SHANK2: variants seen among roughly 807,000 people sequenced by gnomAD.
The protein encoded by SHANK2 is SH3 and multiple ankyrin repeat domains 2.
In SHANK2, 43 loss-of-function variants were observed where a neutral mutation model predicts 133.7. The ratio of observed to expected loss-of-function variants is 0.32; its 90% confidence interval spans 0.25 to 0.41. SHANK2 has a LOEUF of 0.41. Ranked by LOEUF, SHANK2 falls within the 10% of genes least tolerant of loss-of-function variation. SHANK2 has a pLI of 1.00. For synonymous variants in SHANK2, 1,017 were observed against 952.8 expected (o/e 1.07, Z -1.24); for missense variants, 1,994 against 2,235.8 (o/e 0.89, Z 2.18).
chr11:71,238,471 A>T (rs1413948338), intron 1 of SHANK2, among the ~76,000 whole-genome samples: 1 of 152,268 alleles, frequency 6.6e-6, no homozygotes, highest in African/African-American at 2.4e-5. Flanking sequence ...AGAGAGGCCA[A>T]CTGGCCTGTC....
At chr11:70,653,567 C>CAA (rs1157982312) in intron 17 of SHANK2, among the ~76,000 whole-genome samples, 108 of 61,576 alleles carry the variant, frequency 1.8e-3, no homozygotes, top group East Asian at 2.3e-3. Flanking sequence ...CTCAGCCTTC[C>CAA]AAAAAAAAAA....
chr11:70,544,230 C>A (rs1197741738), intron 17 of SHANK2, among the ~76,000 whole-genome samples: 1 of 152,220 alleles, frequency 6.6e-6, no homozygotes, highest in Non-Finnish European at 1.5e-5. Context: ...GGCCGCAGAA[C>A]CTCTCCAGCC....
chr11:70,905,168 A>T (rs1319562457), intron 10 of SHANK2, among the ~76,000 whole-genome samples: 2 of 152,114 alleles, frequency 1.3e-5, no homozygotes, highest in African/African-American at 4.8e-5. Flanking sequence ...CCAGACAGGC[A>T]GGTGAGGAGG....
intron 2 of SHANK2, among the ~76,000 whole-genome samples, chr11:71,209,788 T>C (rs1326963269): frequency 1.3e-5 from 2 of 152,156 alleles, no homozygotes; most frequent in Admixed American, 6.5e-5. Context: ...ACAGAGCACC[T>C]GCCGTGAGCT....
intron 1 of SHANK2, among the ~76,000 whole-genome samples, chr11:71,251,250 G>A (rs1249698344): frequency 6.6e-6 from 1 of 152,144 alleles, no homozygotes; most frequent in African/African-American, 2.4e-5. Flanking sequence ...GGCAAGCCTC[G>A]CCCACGCGCC....
intron 17 of SHANK2, among the ~76,000 whole-genome samples, chr11:70,624,379 A>G (rs2060875351): frequency 6.6e-6 from 1 of 151,986 alleles, no homozygotes; most frequent in Non-Finnish European, 1.5e-5. Context: ...TGCGGCCCTC[A>G]GACTTGAGGC....
intron 17 of SHANK2, among the ~76,000 whole-genome samples, chr11:70,544,075 G>A (rs570508534): frequency 4.6e-5 from 7 of 152,262 alleles, no homozygotes; most frequent in East Asian, 1.9e-4. Context: ...TAGCAGACAC[G>A]TTCCCATTTC....
At chr11:70,493,902 G>C (rs2058932523) in intron 21 of SHANK2, among the ~76,000 whole-genome samples, 1 of 152,224 alleles carries the variant, frequency 6.6e-6, no homozygotes, top group Non-Finnish European at 1.5e-5. Context: ...GAGCTGAGCA[G>C]AGTGCAGGGA....
chr11:70,505,434 G>C (rs1440270716), intron 17 of SHANK2, among the ~76,000 whole-genome samples: 3 of 152,060 alleles, frequency 2.0e-5, no homozygotes, highest in Non-Finnish European at 4.4e-5. Flanking sequence ...GCCAATGTGT[G>C]AGGCCTTGGT....
chr11:70,890,344 G>A (rs1949819789), intron 11 of SHANK2, among the ~76,000 whole-genome samples: 1 of 151,142 alleles, frequency 6.6e-6, no homozygotes, highest in Non-Finnish European at 1.5e-5. Context: ...TCTCTACTAA[G>A]AATAGAAAAA....
At chr11:71,062,983 C>T (rs1412495539) in intron 9 of SHANK2, among the ~76,000 whole-genome samples, 2 of 101,234 alleles carry the variant, frequency 2.0e-5, no homozygotes, top group African/African-American at 8.1e-5. Context: ...GGTGACACAG[C>T]AAGACCCTGT....
intron 10 of SHANK2, chr11:70,942,895 G>A (rs11238042): frequency 0.27 from 120,953 of 455,938 alleles, 17,642 homozygotes; most frequent in South Asian, 0.3. Context: ...GTTACTGAGG[G>A]TTCTGGGTCT....
At chr11:70,871,578 T>C (rs1176856964) in intron 11 of SHANK2, among the ~76,000 whole-genome samples, 2 of 152,102 alleles carry the variant, frequency 1.3e-5, no homozygotes, top group African/African-American at 2.4e-5. Flanking sequence ...ACACATTTGC[T>C]GAACAAGCAG....
At chr11:70,827,260 C>CT (rs34414800) in intron 11 of SHANK2, among the ~76,000 whole-genome samples, 129,081 of 137,342 alleles carry the variant, frequency 0.94, 60,731 homozygotes, top group South Asian at 0.98. Context: ...CCCCCTCCTA[C>CT]TTTTTTTTTT....
chr11:70,850,921 T>C (rs1034247503), intron 11 of SHANK2, among the ~76,000 whole-genome samples: 1 of 152,210 alleles, frequency 6.6e-6, no homozygotes, highest in Non-Finnish European at 1.5e-5. Flanking sequence ...CCACACATTT[T>C]CCACTTTTAA....
intron 1 of SHANK2, among the ~76,000 whole-genome samples, chr11:71,251,929 G>C (rs1345763150): frequency 6.6e-6 from 1 of 151,954 alleles, no homozygotes. Context: ...CCGCCCCCGC[G>C]CGCCACCTGG....
chr11:70,639,379 C>T (rs2061148077), intron 17 of SHANK2, among the ~76,000 whole-genome samples: 1 of 152,138 alleles, frequency 6.6e-6, no homozygotes, highest in Non-Finnish European at 1.5e-5. Context: ...GGCCCCTGTC[C>T]TGGTTTCTTC....
At chr11:70,662,459 C>A (rs1433641512) in intron 15 of SHANK2, among the ~76,000 whole-genome samples, 1 of 152,146 alleles carries the variant, frequency 6.6e-6, no homozygotes, top group Admixed American at 6.5e-5. Flanking sequence ...GCATCCCCCC[C>A]TCCAGCGTCC....
intron 17 of SHANK2, among the ~76,000 whole-genome samples, chr11:70,576,620 G>A (rs1431176129): frequency 6.6e-6 from 1 of 152,112 alleles, no homozygotes; most frequent in African/African-American, 2.4e-5. Context: ...CTCGGCGACA[G>A]AGCGAGACTC....
Sources: gnomAD v4.1 joint callset for allele counts (sites outside exome capture counted in the v4.1 genomes callset) on GRCh38, gnomAD v4.1.1 for gene constraint, MANE v1.5 for transcripts, NCBI Gene and HGNC (gene_info 2026-07-23, HGNC 2026-07-21) for gene names.